Variants in MYO1D observed in about 807,000 individuals in gnomAD.
MYO1D encodes the protein myosin ID.
A neutral mutation model predicts 122.0 loss-of-function variants in MYO1D; 83 were observed. The ratio of observed to expected loss-of-function variants is 0.68; its 90% confidence interval spans 0.57 to 0.82. The LOEUF is 0.82. Ranked by LOEUF, MYO1D falls within the 40% of genes least tolerant of loss-of-function variation. The pLI is 0.00. For synonymous variants in MYO1D, 464 were observed against 446.9 expected (o/e 1.04, Z -0.48); for missense variants, 1,157 against 1,269.5 (o/e 0.91, Z 1.35).
At position 32,764,895 on chromosome 17, in the gene MYO1D, T is replaced by A. The variant is rs983690910; in HGVS notation, c.1018A>T (p.Arg340Ter). The change falls in exon 8 of 22, where the codon AGA becomes TGA. Residue 340 changes from arginine to a stop codon, truncating the protein, a stop_gained. Transcript: ENST00000318217. LOFTEE classifies it high-confidence loss of function. Reference sequence around the variant, plus strand: ...ACTCTCACCTTGGCAAAGGCGTCTCTGCCGTAGCTGGCCTCTTGTTCTGTG... The same window carrying A: ...ACTCTCACCTTGGCAAAGGCGTCTCAGCCGTAGCTGGCCTCTTGTTCTGTG... ...QHTEQEASYGRDAFAKAIYER... is the reference protein window; with the variant it reads ...QHTEQEASYG 6.2e-7 allele frequency: 1 copy of A among 1,614,176 alleles called. No individual in the cohort carries two copies. The highest frequency in any genetic ancestry group is 1.1e-5 in the South Asian group (1 of 91,082).
Position 32,567,855 on chromosome 17 carries a change from A to T in MYO1D, c.2864+37232T>A, listed in dbSNP as rs1488254587. Among the ~76,000 whole-genome samples the T allele has an allele frequency of 2.0e-5, 3 of 152,208 alleles. 1 individual carries two copies. The highest frequency in any genetic ancestry group is 4.4e-5 in the Non-Finnish European group (3 of 68,040). ...GTGGTGCTAACGAGGCCACTGCTACAGGTTCAGTCTCCACGTCCAATTAAC... is the reference window on the plus strand; with the variant it reads ...GTGGTGCTAACGAGGCCACTGCTACTGGTTCAGTCTCCACGTCCAATTAAC... On this transcript the variant is annotated intron_variant, in intron 21 of 21. Transcript: ENST00000318217.
intron 20 of MYO1D, among the ~76,000 whole-genome samples, chr17:32,613,853 T>C (rs2087736847): frequency 6.8e-6 from 1 of 147,972 alleles, no homozygotes; most frequent in Admixed American, 6.8e-5. Flanking sequence ...TATTAATAGT[T>C]CACATTTATG....
At chr17:32,705,939 C>G (rs1016858311) in intron 16 of MYO1D, among the ~76,000 whole-genome samples, 3 of 152,140 alleles carry the variant, frequency 2.0e-5, no homozygotes, top group African/African-American at 7.2e-5. Context: ...TTAAGACATG[C>G]CTTTCACCTT....
At chr17:32,818,396 A>G (rs1388858016) in intron 1 of MYO1D, among the ~76,000 whole-genome samples, 1 of 152,138 alleles carries the variant, frequency 6.6e-6, no homozygotes, top group Non-Finnish European at 1.5e-5. Flanking sequence ...TAAGTATCCA[A>G]TAGTAGCTCC....
intron 1 of MYO1D, among the ~76,000 whole-genome samples, chr17:32,825,068 G>A (rs2090708948): frequency 6.6e-6 from 1 of 152,176 alleles, no homozygotes; most frequent in South Asian, 2.1e-4. Flanking sequence ...AATTAAAAGT[G>A]ATGAAAATAT....
At chr17:32,846,695 C>G (rs572680267) in intron 1 of MYO1D, among the ~76,000 whole-genome samples, 150 of 152,272 alleles carry the variant, frequency 9.9e-4, no homozygotes, top group African/African-American at 3.5e-3. Flanking sequence ...CAAGACAGGT[C>G]AGGCACAGGA....
chr17:32,539,288 C>G (rs1023746742), intron 21 of MYO1D, among the ~76,000 whole-genome samples: 1 of 147,098 alleles, frequency 6.8e-6, no homozygotes, highest in Admixed American at 6.7e-5. Context: ...CACACACACA[C>G]ACACACACAC....
intron 21 of MYO1D, among the ~76,000 whole-genome samples, chr17:32,573,815 G>A (rs565677070): frequency 2.6e-5 from 4 of 152,256 alleles, no homozygotes; most frequent in Admixed American, 6.5e-5. Context: ...GTGAGCCACT[G>A]TGCCCGGTCT....
intron 20 of MYO1D, among the ~76,000 whole-genome samples, chr17:32,627,194 T>G (rs2087939608): frequency 6.6e-6 from 1 of 152,172 alleles, no homozygotes; most frequent in South Asian, 2.1e-4. Context: ...CCACTCAAGG[T>G]CTGACATTAA....
intron 20 of MYO1D, among the ~76,000 whole-genome samples, chr17:32,607,552 C>T (rs144105446): frequency 1.3e-5 from 2 of 152,170 alleles, no homozygotes; most frequent in African/African-American, 4.8e-5. Context: ...TCCTCATGGA[C>T]TAGAAAACCC....
At chr17:32,669,008 C>A (rs1465239128) in intron 16 of MYO1D, among the ~76,000 whole-genome samples, 6 of 151,974 alleles carry the variant, frequency 3.9e-5, no homozygotes, top group African/African-American at 1.2e-4. Context: ...GGCCGAAGCT[C>A]TGAGAATTTT....
At chr17:32,811,893 C>A (rs553149282) in intron 1 of MYO1D, among the ~76,000 whole-genome samples, 43 of 152,130 alleles carry the variant, frequency 2.8e-4, no homozygotes, top group African/African-American at 9.9e-4. Context: ...TTGAGGAGAG[C>A]CAGTCTAAAA....
intron 1 of MYO1D, among the ~76,000 whole-genome samples, chr17:32,830,912 T>G (rs978980353): frequency 6.6e-6 from 1 of 152,150 alleles, no homozygotes; most frequent in Admixed American, 6.5e-5. Flanking sequence ...AAAAATTAGC[T>G]GAGCGTGGTG....
In MYO1D at chr17:32,581,843, G is replaced by A. The variant is rs183369596; in HGVS notation, c.2864+23244C>T. ...TGTAGTAGAGCGATCTCGGCTCACC[G>A]CAACCTCTGCTCCGAGGTTCAAGCA... On this transcript the variant is annotated intron_variant, in intron 21 of 21. Transcript: ENST00000318217. Among the ~76,000 whole-genome samples, 44 of 151,966 alleles carry A rather than the reference G, an allele frequency of 2.9e-4. 1 individual carries two copies. In the East Asian group the frequency reaches 7.6e-3, roughly 26 times the overall value.
At chr17:32,543,345 G>C (rs1002387762) in intron 21 of MYO1D, among the ~76,000 whole-genome samples, 31 of 151,642 alleles carry the variant, frequency 2.0e-4, no homozygotes, top group Non-Finnish European at 2.8e-4. Flanking sequence ...GGGAGGCCGT[G>C]GCGGGCAGAT....
At chr17:32,643,016 T>C (rs1455251124) in intron 19 of MYO1D, among the ~76,000 whole-genome samples, 1 of 152,210 alleles carries the variant, frequency 6.6e-6, no homozygotes, top group African/African-American at 2.4e-5. Context: ...TCAAAGGGAA[T>C]GCTTCCACTT....
chr17:32,600,217 G>C (rs2087546952), intron 21 of MYO1D, among the ~76,000 whole-genome samples: 1 of 152,172 alleles, frequency 6.6e-6, no homozygotes, highest in South Asian at 2.1e-4. Flanking sequence ...CTGTAATCCA[G>C]GCCTTGTGTT....
At chr17:32,764,712 C>CTTA (rs1567630223) in intron 8 of MYO1D, among the ~76,000 whole-genome samples, 166 bp downstream of exon 8, 1 of 152,196 alleles carries the variant, frequency 6.6e-6, no homozygotes, top group Non-Finnish European at 1.5e-5. Flanking sequence ...GTGATGCTTA[C>CTTA]TTACATCTGG....
chr17:32,574,806 T>C (rs796396879), intron 21 of MYO1D, among the ~76,000 whole-genome samples: 1 of 152,172 alleles, frequency 6.6e-6, no homozygotes, highest in Non-Finnish European at 1.5e-5. Flanking sequence ...TCCTAACATC[T>C]AAAACAGTGG....
Sources: allele counts gnomAD v4.1 joint callset (sites outside exome capture counted in the v4.1 genomes callset), GRCh38; gene constraint gnomAD v4.1.1; transcripts MANE v1.5; gene names NCBI Gene and HGNC (gene_info 2026-07-23, HGNC 2026-07-21).